CCDC171: variants seen among roughly 807,000 people sequenced by gnomAD.
CCDC171 encodes the protein coiled-coil domain-containing protein 171.
CCDC171 carries 177 observed loss-of-function variants against 168.2 expected under a neutral mutation model. That is an observed-to-expected ratio of 1.05 (90% CI 0.93 to 1.19). The LOEUF (loss-of-function observed/expected upper bound fraction) is 1.19, where lower values mean the gene tolerates loss of function less well. CCDC171 is among the 50% of genes most tolerant of loss of function. The probability of loss-of-function intolerance (pLI) is 0.00; values close to 1 mark genes in which losing one functional copy is unlikely to be tolerated. For missense variants in CCDC171, 1,991 were observed against 1,539.0 expected (o/e 1.29, Z -4.91); for synonymous variants, 687 against 540.8 (o/e 1.27, Z -3.75).
chr9:15,753,447 A>G (rs2055893239), intron 18 of CCDC171, among the ~76,000 whole-genome samples: 1 of 152,184 alleles, frequency 6.6e-6, no homozygotes, highest in Non-Finnish European at 1.5e-5. Context: ...CATTATTCAT[A>G]TCGGAAGAGA....
chr9:15,756,389 C>T (rs1472454636), intron 18 of CCDC171, among the ~76,000 whole-genome samples: 1 of 151,960 alleles, frequency 6.6e-6, no homozygotes, highest in Non-Finnish European at 1.5e-5. Context: ...TTAATAATTT[C>T]AACTTTTATT....
chr9:15,940,773 C>G (rs544697967), intron 25 of CCDC171, among the ~76,000 whole-genome samples: 4 of 151,828 alleles, frequency 2.6e-5, no homozygotes, highest in Non-Finnish European at 5.9e-5. Context: ...TGCCTCTAGT[C>G]CCAGCTACTC....
intron 18 of CCDC171, among the ~76,000 whole-genome samples, chr9:15,757,961 G>A (rs1430463223): frequency 6.6e-6 from 1 of 152,200 alleles, no homozygotes; most frequent in Non-Finnish European, 1.5e-5. Flanking sequence ...GGATGCCCAG[G>A]CAGAAGTTTG....
intron 9 of CCDC171, among the ~76,000 whole-genome samples, chr9:15,676,260 A>G (rs991229976): frequency 2.0e-5 from 3 of 152,194 alleles, no homozygotes; most frequent in East Asian, 1.9e-4. Flanking sequence ...TGCTTATTCT[A>G]TTTAGCCGTT....
intron 21 of CCDC171, 72 bp downstream of exon 21, chr9:15,784,766 A>G: frequency 8.9e-7 from 1 of 1,123,726 alleles, no homozygotes; most frequent in Non-Finnish European, 1.3e-6. Flanking sequence ...GAATTATGAT[A>G]TCTCCTGAAT....
intron 6 of CCDC171, among the ~76,000 whole-genome samples, chr9:15,621,416 G>A (rs2044496154): frequency 6.6e-6 from 1 of 152,070 alleles, no homozygotes; most frequent in African/African-American, 2.4e-5. Context: ...TGCAATATAT[G>A]CTTTATGGCA....
At chr9:16,006,257 G>C (rs1399182252) in intron 3 of CCDC171, among the ~76,000 whole-genome samples, 1 of 152,112 alleles carries the variant, frequency 6.6e-6, no homozygotes, top group African/African-American at 2.4e-5. Flanking sequence ...CCTAACACTT[G>C]TTATTATCTG....
At chr9:15,930,401 C>T (rs1186101861) in intron 25 of CCDC171, among the ~76,000 whole-genome samples, 3 of 150,662 alleles carry the variant, frequency 2.0e-5, no homozygotes. Flanking sequence ...CACTACTTTT[C>T]CTAAAAAAAA....
In CCDC171 at chr9:15,579,142, C is replaced by A. The variant is rs1045275453; in HGVS notation, c.352+119C>A. On this transcript the variant is annotated intron_variant, in intron 4 of 25. Transcript: ENST00000380701. ...GGTAAGATTCTGATTCGTTGACTGA[C>A]TTTTGATGTACAGACTTAGCTGGGT... is the stretch of plus-strand genomic sequence containing the variant. 4.0e-6 allele frequency: 3 copies of A among 745,472 alleles called. No homozygotes were observed. In the African/African-American group the frequency reaches 5.4e-5, roughly 13 times the overall value. The allele number at this position is 745,472 out of a possible 1,614,324, so 46.2% of individuals were successfully genotyped here.
chr9:16,091,069 AC>A, the CCDC171 span, among the ~76,000 whole-genome samples: 3 of 152,094 alleles, frequency 2.0e-5, no homozygotes, highest in South Asian at 6.2e-4. Context: ...AGTGATGGTC[AC>A]CCCCCACCCA....
chr9:15,730,764 C>T (rs76492996), intron 16 of CCDC171, among the ~76,000 whole-genome samples: 4,148 of 151,876 alleles, frequency 0.027, 207 homozygotes, highest in African/African-American at 0.093. Flanking sequence ...AATCAACAAA[C>T]GTGCCATCTA....
chr9:15,630,299 C>T (rs937837493), intron 7 of CCDC171, among the ~76,000 whole-genome samples: 4 of 152,096 alleles, frequency 2.6e-5, no homozygotes, highest in Admixed American at 2.6e-4. Flanking sequence ...TGCAGAGACA[C>T]ACATAGGCTC....
At chr9:15,793,836 A>G (rs568955290) in intron 21 of CCDC171, among the ~76,000 whole-genome samples, 6 of 152,116 alleles carry the variant, frequency 3.9e-5, no homozygotes, top group Non-Finnish European at 7.4e-5. Context: ...TGTGACAGAT[A>G]TATTAATCTT....
At chr9:16,017,355 C>G (rs553000884) in intron 3 of CCDC171, among the ~76,000 whole-genome samples, 1 of 151,988 alleles carries the variant, frequency 6.6e-6, no homozygotes, top group Non-Finnish European at 1.5e-5. Context: ...TGTAAACATG[C>G]CTCTGTTACT....
At chr9:15,601,113 C>G (rs1186845275) in intron 6 of CCDC171, among the ~76,000 whole-genome samples, 1 of 152,230 alleles carries the variant, frequency 6.6e-6, no homozygotes, top group Non-Finnish European at 1.5e-5. Flanking sequence ...CCTGCTTCGA[C>G]TCACGCTCAG....
intron 11 of CCDC171, among the ~76,000 whole-genome samples, chr9:15,696,459 A>G (rs1397836879): frequency 6.6e-6 from 1 of 152,224 alleles, no homozygotes; most frequent in Non-Finnish European, 1.5e-5. Context: ...ATAATTTGTT[A>G]TCATGGACAA....
intron 23 of CCDC171, among the ~76,000 whole-genome samples, chr9:15,861,228 T>A (rs930676105): frequency 1.3e-5 from 2 of 151,540 alleles, no homozygotes; most frequent in African/African-American, 2.4e-5. Context: ...TTTTTTTTTT[T>A]AAATCCGTTC....
intron 3 of CCDC171, among the ~76,000 whole-genome samples, chr9:15,995,140 A>G (rs765743860): frequency 3.3e-5 from 5 of 152,146 alleles, no homozygotes; most frequent in Admixed American, 6.6e-5. Flanking sequence ...ATTCAAGAAA[A>G]AGTTTTTATA....
the CCDC171 span, among the ~76,000 whole-genome samples, chr9:16,075,337 C>T: frequency 6.6e-6 from 1 of 152,180 alleles, no homozygotes; most frequent in Admixed American, 6.5e-5. Context: ...CTAATCTTTT[C>T]TCTCTTTTGA....
Sources: gnomAD v4.1 joint callset for allele counts (sites outside exome capture counted in the v4.1 genomes callset) on GRCh38, gnomAD v4.1.1 for gene constraint, MANE v1.5 for transcripts, NCBI Gene and HGNC (gene_info 2026-07-23, HGNC 2026-07-21) for gene names.